ATP10A: variants seen among roughly 807,000 people sequenced by gnomAD.
The protein encoded by ATP10A is ATPase phospholipid transporting 10A (putative).
A neutral mutation model predicts 147.8 loss-of-function variants in ATP10A; 111 were observed. That is an observed-to-expected ratio of 0.75 (90% CI 0.64 to 0.88). ATP10A has a LOEUF of 0.88. ATP10A is among the 40% of genes least tolerant of loss of function. The pLI is 0.00. For synonymous variants in ATP10A, 875 were observed against 841.6 expected (o/e 1.04, Z -0.69); for missense variants, 1,927 against 1,959.0 (o/e 0.98, Z 0.31).
At chr15:25,740,264 A>T (rs1433419946) in intron 2 of ATP10A, among the ~76,000 whole-genome samples, 1 of 151,988 alleles carries the variant, frequency 6.6e-6, no homozygotes, top group Non-Finnish European at 1.5e-5. Flanking sequence ...TTTCTATCAT[A>T]AAAAAACTAA....
intron 2 of ATP10A, among the ~76,000 whole-genome samples, chr15:25,757,956 C>CCACCTGCTCCACCCTAACTCATTCCGAT (rs1888526714): frequency 1.0e-4 from 1 of 9,722 alleles, no homozygotes; most frequent in African/African-American, 2.8e-4. Context: ...CTCATTCCGA[C>CCACCTGCTCCACCCTAACTCATTCCGAT]CACCTGCTCC....
chr15:25,679,563 CAG>C lies in ATP10A; in HGVS notation c.4276_4277del (p.Leu1426ValfsTer89), dbSNP rs1311209546. The C allele has an allele frequency of 3.7e-6, 6 of 1,611,576 alleles. No homozygotes were observed. The highest frequency in any genetic ancestry group is 5.1e-6 in the Non-Finnish European group (6 of 1,178,208). ...RAASTGRVTP[L>X]SSLFSLPTFS... ...AGGTAGGCAGGCTGAAGAGGGAAGA[CAG>C]GGGGGTCACCCTGCCGGTGCTGGCA... On this transcript the variant is annotated frameshift_variant, in exon 21 of 21. Coordinates refer to ENST00000555815, the MANE Select transcript of ATP10A (RefSeq NM_024490.4). LOFTEE classifies it high-confidence loss of function.
chr15:25,860,351 G>A (rs1893706533), intron 1 of ATP10A, among the ~76,000 whole-genome samples: 1 of 152,142 alleles, frequency 6.6e-6, no homozygotes, highest in Admixed American at 6.5e-5. Flanking sequence ...CTGCATCCCG[G>A]GGCTGGGAGC....
At chr15:25,746,923 T>C (rs1887870820) in intron 2 of ATP10A, among the ~76,000 whole-genome samples, 1 of 152,080 alleles carries the variant, frequency 6.6e-6, no homozygotes. Flanking sequence ...AGCTGGTAAG[T>C]GTAATGCAAA....
chr15:25,694,934 G>A lies in ATP10A; in HGVS notation c.2973C>T (p.Phe991=). The A allele has an allele frequency of 6.2e-7, 1 of 1,614,196 alleles. No individual in the cohort carries two copies. Among genetic ancestry groups the A allele is most frequent in the Non-Finnish European group, 8.5e-7 (1 of 1,180,042 alleles). The part of the protein sequence containing the change: ...YALEKNLEDK[F]LFLAKQCRSV... ...AGCGGCACTGCTTGGCAAGGAAGAG[G>A]AATTTGTCCTCCAGGTTTTTCTCGA... Residue 991 remains phenylalanine, a synonymous_variant, in exon 14 of 21, where the codon TTC becomes TTT. Transcript: ENST00000555815.
At chr15:25,859,629 G>T (rs1447293636) in intron 1 of ATP10A, among the ~76,000 whole-genome samples, 1 of 151,962 alleles carries the variant, frequency 6.6e-6, no homozygotes, top group African/African-American at 2.4e-5. Flanking sequence ...GCTCAAGAGG[G>T]TTTTCCTAAA....
chr15:25,728,783 TCCAAGCCAGACG>T lies in ATP10A; in HGVS notation c.741-1529_741-1518del, dbSNP rs1596772307. On this transcript the variant is annotated intron_variant, in intron 3 of 20. Coordinates refer to ENST00000555815, the MANE Select transcript of ATP10A (RefSeq NM_024490.4). The stretch of plus-strand genomic sequence containing the variant: ...AGCAACTACTGTGATTTCTGATGAG[TCCAAGCCAGACG>T]GCAACTTGGCACCTTACACAGGTGC... Among the ~76,000 whole-genome samples the T allele has an allele frequency of 2.0e-5, 3 of 152,306 alleles. No individual in the cohort carries two copies. In the East Asian group the frequency reaches 5.8e-4, roughly 29 times the overall value.
At chr15:25,814,379 A>T (rs1393320220) in intron 1 of ATP10A, among the ~76,000 whole-genome samples, 1 of 152,234 alleles carries the variant, frequency 6.6e-6, no homozygotes, top group Non-Finnish European at 1.5e-5. Context: ...GCAAATGTTC[A>T]ACGAAGTCCT....
chr15:25,738,824 C>T (rs1186064216), intron 2 of ATP10A, among the ~76,000 whole-genome samples: 1 of 152,172 alleles, frequency 6.6e-6, no homozygotes, highest in Admixed American at 6.5e-5. Context: ...AAGTGCCCTA[C>T]AATTATCAGG....
chr15:25,753,342 T>C (rs908612645), intron 2 of ATP10A, among the ~76,000 whole-genome samples: 1 of 152,242 alleles, frequency 6.6e-6, no homozygotes, highest in Non-Finnish European at 1.5e-5. Flanking sequence ...CATGAGATAC[T>C]TGTCTTTCTG....
chr15:25,680,284 C>G lies in ATP10A; in HGVS notation c.3703G>C (p.Gly1235Arg), dbSNP rs1395206649. 6.2e-7 allele frequency: 1 copy of G among 1,614,164 alleles called. No homozygotes were observed. Among genetic ancestry groups the G allele is most frequent in the Admixed American group, 1.7e-5 (1 of 60,028 alleles). Residue 1235 changes from glycine to arginine, a missense_variant, in exon 20 of 21, where the codon GGC becomes CGC. Transcript: ENST00000555815. Reference protein sequence around the residue: ...TWTWLNWITCGFSVLLFFTVA... With the variant: ...TWTWLNWITCRFSVLLFFTVA... Reference sequence around the variant, plus strand: ...GTGAAAAACAAAAGGACACTGAAGCCACACGTTATCCAGTTGAGCCAGGTC... The same window carrying G: ...GTGAAAAACAAAAGGACACTGAAGCGACACGTTATCCAGTTGAGCCAGGTC...
chr15:25,817,569 A>T (rs1400270525), intron 1 of ATP10A, among the ~76,000 whole-genome samples: 2 of 152,262 alleles, frequency 1.3e-5, no homozygotes, highest in African/African-American at 2.4e-5. Context: ...AATAAGATTG[A>T]TAAAATAATT....
intron 12 of ATP10A, among the ~76,000 whole-genome samples, chr15:25,704,056 G>A (rs2140352030): frequency 6.6e-6 from 1 of 151,490 alleles, no homozygotes. Context: ...CACCGGGAGG[G>A]CATCTGACCT....
chr15:25,764,093 C>T (rs6576456), intron 2 of ATP10A, among the ~76,000 whole-genome samples: 59,318 of 151,974 alleles, frequency 0.39, 12,644 homozygotes, highest in Non-Finnish European at 0.48. Flanking sequence ...ATGAATCCCC[C>T]AGGATCTTGT....
intron 2 of ATP10A, among the ~76,000 whole-genome samples, chr15:25,752,730 G>T (rs749546376): frequency 7.9e-5 from 12 of 152,148 alleles, no homozygotes; most frequent in Non-Finnish European, 1.5e-4. Flanking sequence ...ATAGCGCATT[G>T]TATCAGTAGA....
rs1230983733 is a variant in ATP10A, at chr15:25,759,667, G to A, written c.654+21352C>T. On this transcript the variant is annotated intron_variant, in intron 2 of 20. Coordinates refer to ENST00000555815, the MANE Select transcript of ATP10A (RefSeq NM_024490.4). Reference sequence around the variant, plus strand: ...CACAAAGTTTTTAAGAAAATTAGTCGAGCATGGTGGCACATGCCTGTAGTC... The same window carrying A: ...CACAAAGTTTTTAAGAAAATTAGTCAAGCATGGTGGCACATGCCTGTAGTC... Among the ~76,000 whole-genome samples the A allele has an allele frequency of 2.0e-5, 3 of 151,936 alleles. No individual in the cohort carries two copies. The East Asian group carries it at 5.9e-4, about 30-fold the overall frequency.
intron 1 of ATP10A, among the ~76,000 whole-genome samples, chr15:25,830,128 G>A (rs1892291583): frequency 6.6e-6 from 1 of 152,136 alleles, no homozygotes; most frequent in East Asian, 1.9e-4. Context: ...GCTGTGAATG[G>A]AGCCACGGAG....
intron 1 of ATP10A, among the ~76,000 whole-genome samples, chr15:25,802,107 AT>A (rs1398558219): frequency 1.3e-4 from 19 of 151,780 alleles, no homozygotes; most frequent in Admixed American, 1.2e-3. Flanking sequence ...ACTCGGTAAA[AT>A]GTTGCTTTTG....
chr15:25,682,877 T>A (rs1379899367), intron 17 of ATP10A, among the ~76,000 whole-genome samples: 1 of 152,258 alleles, frequency 6.6e-6, no homozygotes, highest in Non-Finnish European at 1.5e-5. Flanking sequence ...CTATGTGGTA[T>A]ATTAATGCCA....
Sources: allele counts gnomAD v4.1 joint callset (sites outside exome capture counted in the v4.1 genomes callset), GRCh38; gene constraint gnomAD v4.1.1; transcripts MANE v1.5; gene names NCBI Gene and HGNC (gene_info 2026-07-23, HGNC 2026-07-21).